Variants in SARM1 observed in about 807,000 individuals in gnomAD.
The protein encoded by SARM1 is NAD(+) hydrolase SARM1.
In SARM1, 60 loss-of-function variants were observed where a neutral mutation model predicts 65.1. The ratio of observed to expected loss-of-function variants is 0.92; its 90% CI spans 0.75 to 1.14. The LOEUF (loss-of-function observed/expected upper bound fraction) is 1.14. Among genes scored for constraint, SARM1 ranks in the 50% most tolerant of loss-of-function variants. The probability of loss-of-function intolerance (pLI) is 0.00; values close to 1 mark genes in which losing one functional copy is unlikely to be tolerated. For missense variants in SARM1, 913 were observed against 1,015.7 expected (o/e 0.90, Z 1.37); for synonymous variants, 417 against 465.4 (o/e 0.90, Z 1.34).
At position 28,402,699 on chromosome 17, in the gene SARM1, G is replaced by A. The variant is rs2068211542; in HGVS notation, c.*6413G>A. ...TGATGCCATTACATATTATCTGTGT[G>A]GCCTGGGGTACTTACCCTCTCTGAT... On this transcript the variant is annotated 3_prime_UTR_variant, in exon 9 of 9. Transcript: ENST00000585482. The A allele has an allele frequency of 5.5e-6, 1 of 180,472 alleles. No homozygotes were observed. Among genetic ancestry groups the A allele is most frequent in the South Asian group, 1.3e-4 (1 of 7,692 alleles). 11.2% of individuals were successfully genotyped at this position (180,472 alleles called of 1,614,324 possible).
chr17:28,384,875 A>C lies in SARM1; in HGVS notation c.1339A>C (p.Thr447Pro), dbSNP rs2068042243. Residue 447 changes from threonine (T) to proline (P), a missense_variant, in exon 4 of 9, where the codon ACG (threonine) becomes CCG (proline). By Grantham distance (38) the Thr-to-Pro change is conservative (BLOSUM62 -1). Around this residue, in one of 3 missense-constraint regions of SARM1, gnomAD observed 862 missense variants for 952.1 expected, o/e 0.91. Coordinates refer to ENST00000585482, the MANE Select transcript of SARM1 (RefSeq NM_015077.4). The surrounding 1 kb of genome is among the most constrained non-coding windows in gnomAD (Gnocchi z 4.4). ...GGATGGCGACCTGCTTCTGCGGCTC[A>C]CGGAGGAGGAACTCCAGACCGACCT... ...QVDGDLLLRLTEEELQTDLGM... is the reference protein window; with the variant it reads ...QVDGDLLLRLPEEELQTDLGM... 1.3e-6 allele frequency: 2 copies of C among 1,558,202 alleles called. No individual in the cohort carries two copies. Among genetic ancestry groups the C allele is most frequent in the Non-Finnish European group, 1.7e-6 (2 of 1,151,044 alleles).
intron 1 of SARM1, among the ~76,000 whole-genome samples, chr17:28,374,625 C>T (rs1311975196): frequency 2.0e-5 from 3 of 152,088 alleles, no homozygotes; most frequent in Admixed American, 1.3e-4. Flanking sequence ...TGACACACTG[C>T]GAATTTATGA....
intron 1 of SARM1, chr17:28,373,497 G>A (rs2067970064): frequency 6.6e-6 from 1 of 152,202 alleles, no homozygotes; most frequent in South Asian, 2.1e-4. Flanking sequence ...AAAATTACCT[G>A]GTGATTGGTG....
intron 1 of SARM1, 117 bp from the exon 2 acceptor site, chr17:28,381,086 C>G: frequency 8.4e-7 from 1 of 1,194,242 alleles, no homozygotes; most frequent in Non-Finnish European, 1.1e-6. Flanking sequence ...GGGGAATGCT[C>G]TCCCCTATAT....
rs782580259 is a variant in SARM1, at chr17:28,396,006, G to A, written c.2025G>A (p.Val675=). Reference sequence around the variant, plus strand: ...TCCTGCCTGAGGACATGCAGGCTGTGCTTACTTTCAACGGTATCAAGTGAG... The same window carrying A: ...TCCTGCCTGAGGACATGCAGGCTGTACTTACTTTCAACGGTATCAAGTGAG... ...PQVLPEDMQA[V]LTFNGIKWSH... is the part of the protein sequence containing the mutation. Residue 675 remains valine (V), a synonymous_variant, in exon 8 of 9, where the codon GTG becomes GTA. Coordinates refer to ENST00000585482, the MANE Select transcript of SARM1 (RefSeq NM_015077.4). 35 of 1,613,846 alleles carry A rather than the reference G, an allele frequency of 2.2e-5. No homozygotes were observed. The highest frequency in any genetic ancestry group is 2.9e-5 in the Non-Finnish European group (34 of 1,179,880).
At chr17:28,388,625 C>G in intron 7 of SARM1, 86 bp downstream of exon 7, 1 of 1,367,484 alleles carries the variant, frequency 7.3e-7, no homozygotes, top group Non-Finnish European at 1.0e-6. Context: ...CTTGTCTGCA[C>G]ATCCCGGCAC....
At chr17:28,382,874 A>G (rs950893851) in intron 2 of SARM1, among the ~76,000 whole-genome samples, 1 of 152,142 alleles carries the variant, frequency 6.6e-6, no homozygotes, top group Non-Finnish European at 1.5e-5. Flanking sequence ...TTAAAATGTT[A>G]CAGGTTGAAG....
rs739439 is a variant in SARM1 at position 28,396,803 on chromosome 17, C to T, written c.*517C>T. On this transcript the variant is annotated 3_prime_UTR_variant, in exon 9 of 9. Transcript: ENST00000585482. ...GGCCCCTGCACTTACAACTTCCTGCCGCTCTGTGGCCTTGCCCTGTAATCA... is the reference window on the plus strand; with the variant it reads ...GGCCCCTGCACTTACAACTTCCTGCTGCTCTGTGGCCTTGCCCTGTAATCA... The T allele has an allele frequency of 0.13, 20,232 of 156,128 alleles. 1,605 individuals carry two copies. The highest frequency in any genetic ancestry group is 0.21 in the Middle Eastern group (62 of 300). 9.7% of individuals were successfully genotyped at this position (156,128 alleles called of 1,614,324 possible). A position where few individuals can be genotyped will look rare whatever the true frequency, so the allele number is the denominator to read the frequency against.
At position 28,403,219 on chromosome 17, in the gene SARM1, T is replaced by C. The variant is rs908221718; in HGVS notation, c.*6933T>C. ...ACTGTGAGAGAATATGTTTCTGTTG[T>C]GTTAAGCCCCCAAGTTTGTGGTATG... is the stretch of plus-strand genomic sequence containing the variant. On this transcript the variant is annotated 3_prime_UTR_variant, in exon 9 of 9. Coordinates refer to ENST00000585482, the MANE Select transcript of SARM1 (RefSeq NM_015077.4). The C allele has an allele frequency of 2.0e-5, 3 of 152,252 alleles. No individual in the cohort carries two copies. The allele number at this position is 152,252 out of a possible 1,614,324, so 9.4% of individuals were successfully genotyped here.
In SARM1 at chr17:28,388,184, C is replaced by G; in HGVS notation, c.1641C>G (p.His547Gln). The change falls in exon 6 of 9, where the codon CAC becomes CAG. Residue 547 changes from histidine to glutamine, a missense_variant. By Grantham distance (24) the His-to-Gln change is conservative. This residue lies in a region of SARM1 where 862 missense variants were observed against 952.1 expected (regional missense o/e 0.91). Transcript: ENST00000585482. ...RILTAAREML[H>Q]SPLPCTGGKP... ...TATTGCCCACTTCAGAAATGCTACACTCCCCGCTGCCCTGTACTGGTGGCA... is the reference window on the plus strand; with the variant it reads ...TATTGCCCACTTCAGAAATGCTACAGTCCCCGCTGCCCTGTACTGGTGGCA... 6.5e-7 allele frequency: 1 copy of G among 1,549,520 alleles called. No homozygotes were observed. Among genetic ancestry groups the G allele is most frequent in the Non-Finnish European group, 8.7e-7 (1 of 1,146,746 alleles).
At chr17:28,389,845 T>C (rs1428724067) in intron 7 of SARM1, among the ~76,000 whole-genome samples, 1 of 152,158 alleles carries the variant, frequency 6.6e-6, no homozygotes, top group Non-Finnish European at 1.5e-5. Flanking sequence ...GCACTCCAGC[T>C]TGGGCAACAG....
chr17:28,379,150 T>C (rs1183402862), intron 1 of SARM1, among the ~76,000 whole-genome samples: 1 of 152,128 alleles, frequency 6.6e-6, no homozygotes, highest in Admixed American at 6.5e-5. Context: ...TGGTTTTCTG[T>C]TTGCTTGTTT....
chr17:28,383,180 C>T (rs548666979), intron 2 of SARM1, among the ~76,000 whole-genome samples: 3 of 152,146 alleles, frequency 2.0e-5, no homozygotes, highest in Admixed American at 2.0e-4. Flanking sequence ...TCAAGACCAG[C>T]CTGGACAACA....
At chr17:28,383,504 C>CA (rs1188218387) in intron 2 of SARM1, among the ~76,000 whole-genome samples, 11 of 152,180 alleles carry the variant, frequency 7.2e-5, no homozygotes, top group Admixed American at 3.9e-4. Context: ...ACCTGCTCTA[C>CA]AAGGCAGGTC....
chr17:28,395,874 G>A, intron 7 of SARM1, 31 bp from the exon 8 acceptor site: 1 of 1,611,828 alleles, frequency 6.2e-7, no homozygotes, highest in Non-Finnish European at 8.5e-7. Flanking sequence ...TGGGTACAGG[G>A]GTATCTTCCT....
At chr17:28,387,231 C>CTTTTG (rs2068055149) in intron 5 of SARM1, among the ~76,000 whole-genome samples, 1 of 148,948 alleles carries the variant, frequency 6.7e-6, no homozygotes, top group African/African-American at 2.5e-5. Flanking sequence ...CTTTTCTTTT[C>CTTTTG]TTTTCTTTTT....
At chr17:28,380,210 C>T (rs1336762168) in intron 1 of SARM1, among the ~76,000 whole-genome samples, 5 of 150,966 alleles carry the variant, frequency 3.3e-5, no homozygotes, top group Non-Finnish European at 7.4e-5. Context: ...CATGAGCCAC[C>T]TTGCCCAGCC....
rs2068048147 is a variant in SARM1 at position 28,385,876 on chromosome 17, A to G, written c.1630+601A>G. 6.6e-6 allele frequency among the ~76,000 whole-genome samples: 1 copy of G among 152,208 alleles called. No individual in the cohort carries two copies. Among genetic ancestry groups the G allele is most frequent in the Non-Finnish European group, 1.5e-5 (1 of 68,040 alleles). On this transcript the variant is annotated intron_variant, in intron 5 of 8. Transcript: ENST00000585482. The surrounding 1 kb of genome is among the most constrained non-coding windows in gnomAD (Gnocchi z 4.5). Reference sequence around the variant, plus strand: ...TTAGCTAATCTTTATTGTCAATTACAAGGTACTCTGTTTGGTTTTTAAGAT... The same window carrying G: ...TTAGCTAATCTTTATTGTCAATTACGAGGTACTCTGTTTGGTTTTTAAGAT...
chr17:28,375,962 T>C (rs1272775871), intron 1 of SARM1, among the ~76,000 whole-genome samples: 5 of 152,184 alleles, frequency 3.3e-5, no homozygotes, highest in Non-Finnish European at 5.9e-5. Flanking sequence ...ATAGACATGT[T>C]TGCAATATAT....
Sources: gnomAD v4.1 joint callset for allele counts (sites outside exome capture counted in the v4.1 genomes callset) on GRCh38, gnomAD v4.1.1 for gene constraint, gnomAD v4.1.1 regional missense constraint, Gnocchi (gnomAD v3.1) non-coding constraint, MANE v1.5 for transcripts, NCBI Gene and HGNC (gene_info 2026-07-23, HGNC 2026-07-21) for gene names.